CWF19L2: variants seen among roughly 807,000 people sequenced by gnomAD.
CWF19L2 encodes CWF19 like cell cycle control factor 2, also known as CWF19-like protein 2.
Under a neutral mutation model 111.7 loss-of-function variants are expected in CWF19L2, and 98 were observed. The observed-to-expected ratio is 0.88, with a 90% CI of 0.75 to 1.04. The LOEUF (loss-of-function observed/expected upper bound fraction) is 1.04. CWF19L2 is among the 50% of genes least tolerant of loss of function. The pLI, the probability that CWF19L2 is intolerant of heterozygous loss-of-function variation, is 0.00. For synonymous variants in CWF19L2, 351 were observed against 342.9 expected, an observed-to-expected ratio of 1.02 and a Z score of -0.26; for missense variants, 1,101 against 1,051.4, an observed-to-expected ratio of 1.05 and a Z score of -0.65.
At chr11:107,450,586 T>C (rs1267215053) in intron 3 of CWF19L2, among the ~76,000 whole-genome samples, 1 of 151,602 alleles carries the variant, frequency 6.6e-6, no homozygotes, top group Non-Finnish European at 1.5e-5. Context: ...AAGAAGAAAT[T>C]GATAGGCGAG....
At chr11:107,373,525 T>C (rs1201803375) in intron 12 of CWF19L2, among the ~76,000 whole-genome samples, 2 of 130,098 alleles carry the variant, frequency 1.5e-5, no homozygotes, top group African/African-American at 3.1e-5. Flanking sequence ...ACACCTCACA[T>C]GGCTGGGTAC....
intron 10 of CWF19L2, among the ~76,000 whole-genome samples, chr11:107,401,083 T>C (rs994277267): frequency 6.6e-6 from 1 of 152,134 alleles, no homozygotes; most frequent in African/African-American, 2.4e-5. Context: ...ATAAAGGCCA[T>C]CTATGACAAA....
intron 12 of CWF19L2, among the ~76,000 whole-genome samples, chr11:107,378,786 AAAAAT>A (rs1235992951): frequency 1.3e-5 from 2 of 151,966 alleles, no homozygotes; most frequent in East Asian, 1.9e-4. Flanking sequence ...ATAAATAAAT[AAAAAT>A]AAAATAAAGT....
At chr11:107,404,080 C>G (rs949230992) in intron 10 of CWF19L2, 1 of 771,980 alleles carries the variant, frequency 1.3e-6, no homozygotes. Context: ...GAGCTGAATG[C>G]TCATATATGG....
rs182843508 is a variant in CWF19L2 at position 107,372,637 on chromosome 11, A to G, written c.1872+17437T>C. Among the ~76,000 whole-genome samples the G allele has an allele frequency of 1.3e-3, 179 of 136,654 alleles. 51 individuals carry two copies. Among genetic ancestry groups the G allele is most frequent in the African/African-American group, 5.1e-3 (174 of 33,968 alleles). 89.7% of individuals were successfully genotyped at this position (136,654 alleles called of 152,430 possible). On this transcript the variant is annotated intron_variant, in intron 12 of 17. Coordinates refer to ENST00000282251, the MANE Select transcript of CWF19L2 (RefSeq NM_152434.3). ...AAAGGATGAGATGCACATTTTGAAC[A>G]AAAAAATTATTCTGGTTTCAGTGAG... is the stretch of plus-strand genomic sequence containing the variant.
Position 107,340,591 on chromosome 11 carries a change from A to G in CWF19L2, c.2203-3878T>C, listed in dbSNP as rs1390002186. Reference sequence around the variant, plus strand: ...GATATGTAATAATCTTGCTTATTATACATCTCCAGTAATCAGGTAAGGCTG... The same window carrying G: ...GATATGTAATAATCTTGCTTATTATGCATCTCCAGTAATCAGGTAAGGCTG... On this transcript the variant is annotated intron_variant, in intron 14 of 17. Transcript: ENST00000282251. 2.0e-5 allele frequency among the ~76,000 whole-genome samples: 3 copies of G among 152,226 alleles called. No homozygotes were observed. In the East Asian group the frequency reaches 5.8e-4, roughly 29 times the overall value.
intron 14 of CWF19L2, among the ~76,000 whole-genome samples, chr11:107,347,641 A>G (rs1860098909): frequency 6.6e-6 from 1 of 152,212 alleles, no homozygotes; most frequent in Non-Finnish European, 1.5e-5. Context: ...AAACTCTGCT[A>G]AACTATAATG....
At chr11:107,335,104 T>C (rs181398238) in intron 15 of CWF19L2, 143 bp from the exon 16 acceptor site, 3 of 503,458 alleles carry the variant, frequency 6.0e-6, no homozygotes, top group African/African-American at 4.0e-5. Context: ...AGGCTTTTAG[T>C]TATTTAAAAT....
At chr11:107,422,771 A>G (rs1400239813) in intron 8 of CWF19L2, among the ~76,000 whole-genome samples, 1 of 151,994 alleles carries the variant, frequency 6.6e-6, no homozygotes, top group Admixed American at 6.6e-5. Flanking sequence ...TCAAAACATG[A>G]CCTACCAACA....
intron 13 of CWF19L2, among the ~76,000 whole-genome samples, chr11:107,352,674 T>C (rs1860173763): frequency 6.9e-6 from 1 of 144,034 alleles, no homozygotes; most frequent in Non-Finnish European, 1.5e-5. Context: ...TTTATCTTTT[T>C]GTTAAGTATA....
intron 6 of CWF19L2, among the ~76,000 whole-genome samples, chr11:107,437,459 T>A (rs185784902): frequency 2.4e-4 from 36 of 152,240 alleles, no homozygotes; most frequent in East Asian, 5.8e-4. Flanking sequence ...ACCCCTACCA[T>A]CGGTCTAAAT....
intron 12 of CWF19L2, among the ~76,000 whole-genome samples, chr11:107,384,793 C>A (rs1051394140): frequency 8.5e-5 from 13 of 152,072 alleles, no homozygotes; most frequent in Admixed American, 5.2e-4. Flanking sequence ...AGTTTGCCAA[C>A]CTCTGTTTAA....
chr11:107,420,755 A>G (rs1861292561), intron 8 of CWF19L2, among the ~76,000 whole-genome samples: 1 of 152,114 alleles, frequency 6.6e-6, no homozygotes. Context: ...AAATAGTACA[A>G]TTACAACAAT....
rs1286607255 is a variant in CWF19L2 at position 107,441,565 on chromosome 11, G to GTGA, written c.505_507dup (p.Ser169dup). On this transcript the variant is annotated inframe_insertion, in exon 5 of 18. Transcript: ENST00000282251. ...CTCATAGTTTCCTTTTCAGCTTTGA[G>GTGA]TGATGATGATGACACAGTTTTAACA... 8 of 1,551,224 alleles carry GTGA rather than the reference G, an allele frequency of 5.2e-6. No homozygotes were observed. Among genetic ancestry groups the GTGA allele is most frequent in the Middle Eastern group, 3.4e-4 (2 of 5,954 alleles).
At chr11:107,399,883 G>A (rs541217448) in intron 10 of CWF19L2, among the ~76,000 whole-genome samples, 1 of 152,026 alleles carries the variant, frequency 6.6e-6, no homozygotes, top group South Asian at 2.1e-4. Flanking sequence ...AGACCACAGT[G>A]GAATAAAACT....
At position 107,454,474 on chromosome 11, in the gene CWF19L2, G is replaced by C; in HGVS notation, c.315C>G (p.Asn105Lys). 2 of 1,444,066 alleles carry C rather than the reference G, an allele frequency of 1.4e-6. No individual in the cohort carries two copies. The highest frequency in any genetic ancestry group is 1.6e-5 in the South Asian group (1 of 63,546). The allele number at this position is 1,444,066 out of a possible 1,614,324, so 89.5% of individuals were successfully genotyped here. Residue 105 changes from asparagine (N) to lysine (K), a missense_variant, in exon 3 of 18, where the codon AAC becomes AAG. Physicochemically the swap from Asn to Lys is moderately conservative, Grantham distance 94. Transcript: ENST00000282251. Reference protein sequence around the residue: ...KKSKKQKYEKNNESSDSSSSS... With the variant: ...KKSKKQKYEKKNESSDSSSSS... ...CTGATGAGCTATCAGATGACTCATT[G>C]TTTTTTTCATATTTCTGTTTCTTGC...
chr11:107,330,647 CACACACACACA>C (rs1565240388), intron 16 of CWF19L2, among the ~76,000 whole-genome samples: 881 of 24,724 alleles, frequency 0.036, 11 homozygotes, highest in African/African-American at 0.12. Context: ...CCCCCCACCA[CACACACACACA>C]CACACACACA....
At chr11:107,380,125 T>C (rs9787772) in intron 12 of CWF19L2, among the ~76,000 whole-genome samples, 31,861 of 149,528 alleles carry the variant, frequency 0.21, 3,642 homozygotes, top group African/African-American at 0.28. Context: ...AGGCTTATTT[T>C]AGTGTCATTA....
At chr11:107,417,695 C>T (rs1861246389) in intron 9 of CWF19L2, among the ~76,000 whole-genome samples, 1 of 151,618 alleles carries the variant, frequency 6.6e-6, no homozygotes. Context: ...TTTCAGAGAT[C>T]TGACAGAGAA....
Sources: gnomAD v4.1 joint callset for allele counts (sites outside exome capture counted in the v4.1 genomes callset) on GRCh38, gnomAD v4.1.1 for gene constraint, MANE v1.5 for transcripts, NCBI Gene and HGNC (gene_info 2026-07-23, HGNC 2026-07-21) for gene names.